SORCS2: variants seen among roughly 807,000 people sequenced by gnomAD.
SORCS2 encodes the protein VPS10 domain-containing receptor SorCS2.
Under a neutral mutation model 141.6 loss-of-function variants are expected in SORCS2, and 100 were observed. That is an observed-to-expected ratio of 0.71 (90% confidence interval 0.60 to 0.83). The LOEUF (loss-of-function observed/expected upper bound fraction) is 0.83. Among genes scored for constraint, SORCS2 ranks in the 40% least tolerant of loss-of-function variants. SORCS2 has a pLI of 0.00. For missense variants in SORCS2, 1,646 were observed against 1,560.2 expected, an observed-to-expected ratio of 1.05 and a Z score of -0.93; for synonymous variants, 789 against 676.9, an observed-to-expected ratio of 1.17 and a Z score of -2.57.
chr4:7,215,636 G>T lies in SORCS2; in HGVS notation c.480+22510G>T, dbSNP rs182943019. Among the ~76,000 whole-genome samples, 381 of 152,340 alleles carry T rather than the reference G, an allele frequency of 2.5e-3. 3 individuals are homozygous for T. Among genetic ancestry groups the T allele is most frequent in the African/African-American group, 8.9e-3 (372 of 41,574 alleles). On this transcript the variant is annotated intron_variant, in intron 1 of 26. Transcript: ENST00000507866. ...GGAGAATCTTTATGTCTAGCTCAGG[G>T]ATTGTAAATACACCAATCGGCACTC...
intron 1 of SORCS2, among the ~76,000 whole-genome samples, chr4:7,333,241 T>C (rs1302882863): frequency 6.6e-5 from 10 of 152,212 alleles, no homozygotes. Context: ...TGCCCACACC[T>C]GCCTCTTGCG....
chr4:7,335,506 ACC>A (rs1200217649), intron 1 of SORCS2, among the ~76,000 whole-genome samples: 1 of 151,930 alleles, frequency 6.6e-6, no homozygotes, highest in Non-Finnish European at 1.5e-5. Context: ...GGCGGGCCTC[ACC>A]CTGCCCCGCC....
chr4:7,694,595 C>T (rs1724478073), intron 11 of SORCS2, among the ~76,000 whole-genome samples: 1 of 152,268 alleles, frequency 6.6e-6, no homozygotes, highest in South Asian at 2.1e-4. Context: ...GCCTGTGATG[C>T]GTGTGTCCCA....
intron 23 of SORCS2, among the ~76,000 whole-genome samples, chr4:7,732,936 A>C (rs919559575): frequency 6.6e-6 from 1 of 151,718 alleles, no homozygotes; most frequent in Admixed American, 6.6e-5. Flanking sequence ...AGCAGGACTC[A>C]CACTGGTCCA....
Position 7,718,083 on chromosome 4 carries a change from G to GC in SORCS2, c.2329dup (p.Leu777ProfsTer34). 3.1e-6 allele frequency: 5 copies of GC among 1,611,654 alleles called. No homozygotes were observed. Among genetic ancestry groups the GC allele is most frequent in the Non-Finnish European group, 4.2e-6 (5 of 1,179,056 alleles). On this transcript the variant is annotated frameshift_variant, in exon 18 of 27. Transcript: ENST00000507866. LOFTEE classifies it high-confidence loss of function. ...CAGCAGAGTCAGGTGCAGCTGCAGT[G>GC]CCCCCTCACGCCGCCCCGGGGCCTG...
At chr4:7,306,087 G>T (rs1396948252) in intron 1 of SORCS2, among the ~76,000 whole-genome samples, 1 of 152,214 alleles carries the variant, frequency 6.6e-6, no homozygotes, top group African/African-American at 2.4e-5. Flanking sequence ...GAGGCTAGTG[G>T]CAGGGTCCCG....
At chr4:7,311,480 A>G (rs754868259) in intron 1 of SORCS2, among the ~76,000 whole-genome samples, 4 of 152,194 alleles carry the variant, frequency 2.6e-5, no homozygotes, top group Non-Finnish European at 4.4e-5. Context: ...TAGGTTTTTC[A>G]AAGACTGCCA....
chr4:7,421,464 G>A (rs1302246092), intron 2 of SORCS2, among the ~76,000 whole-genome samples: 4 of 152,190 alleles, frequency 2.6e-5, no homozygotes, highest in Non-Finnish European at 5.9e-5. Context: ...GCTGGGTTGC[G>A]GGGTCCAGTG....
intron 14 of SORCS2, among the ~76,000 whole-genome samples, chr4:7,711,507 A>G (rs1725824748): frequency 6.6e-6 from 1 of 152,170 alleles, no homozygotes; most frequent in South Asian, 2.1e-4. Context: ...GAGCACCACA[A>G]GCTGGACTGG....
chr4:7,323,139 T>C (rs1472343598), intron 1 of SORCS2, among the ~76,000 whole-genome samples: 1 of 152,242 alleles, frequency 6.6e-6, no homozygotes, highest in Non-Finnish European at 1.5e-5. Flanking sequence ...GTTTTGCAAA[T>C]GGCCTTAGGT....
chr4:7,680,882 A>G (rs558062711), intron 9 of SORCS2, among the ~76,000 whole-genome samples: 12 of 152,346 alleles, frequency 7.9e-5, no homozygotes, highest in African/African-American at 2.9e-4. Flanking sequence ...GGGAGGCAAA[A>G]GATCTGTACC....
intron 1 of SORCS2, among the ~76,000 whole-genome samples, chr4:7,353,809 A>T (rs1331594551): frequency 6.6e-6 from 1 of 152,194 alleles, no homozygotes; most frequent in African/African-American, 2.4e-5. Flanking sequence ...GACCCTTATG[A>T]TATTTTAGCA....
At chr4:7,466,554 C>A (rs1729628666) in intron 2 of SORCS2, among the ~76,000 whole-genome samples, 1 of 152,178 alleles carries the variant, frequency 6.6e-6, no homozygotes, top group Non-Finnish European at 1.5e-5. Flanking sequence ...ACGTCCATAC[C>A]CCATTCTCCC....
At chr4:7,357,948 G>A (rs572246762) in intron 1 of SORCS2, among the ~76,000 whole-genome samples, 4 of 152,226 alleles carry the variant, frequency 2.6e-5, no homozygotes, top group Non-Finnish European at 5.9e-5. Flanking sequence ...TTTGGTTTGA[G>A]GCCATTTGCA....
intron 8 of SORCS2, among the ~76,000 whole-genome samples, chr4:7,668,871 T>G (rs576704617): frequency 6.6e-6 from 1 of 152,094 alleles, no homozygotes; most frequent in East Asian, 1.9e-4. Flanking sequence ...GAGAGGAAAG[T>G]GCACAGCCGA....
At chr4:7,544,484 A>G (rs1189214486) in intron 3 of SORCS2, among the ~76,000 whole-genome samples, 2 of 152,206 alleles carry the variant, frequency 1.3e-5, no homozygotes, top group Admixed American at 6.5e-5. Context: ...CAGCCTGAGC[A>G]TCCAAGGCAA....
chr4:7,523,380 G>T (rs1348597480), intron 2 of SORCS2, among the ~76,000 whole-genome samples: 1 of 152,200 alleles, frequency 6.6e-6, no homozygotes, highest in Non-Finnish European at 1.5e-5. Context: ...CTTCAGGTCT[G>T]GCACCCAGAG....
intron 3 of SORCS2, among the ~76,000 whole-genome samples, chr4:7,543,747 TCCACCCATCCACCCAC>T (rs1560373132): frequency 4.5e-5 from 3 of 66,064 alleles, no homozygotes; most frequent in African/African-American, 1.8e-4. Context: ...CATCCACCCA[TCCACCCATCCACCCAC>T]CCATCCGTCC....
At chr4:7,379,405 C>G (rs540128813) in intron 1 of SORCS2, among the ~76,000 whole-genome samples, 1 of 152,126 alleles carries the variant, frequency 6.6e-6, no homozygotes, top group African/African-American at 2.4e-5. Context: ...GCACGAGAGG[C>G]GTATTCAGAT....
Sources: allele counts gnomAD v4.1 joint callset (sites outside exome capture counted in the v4.1 genomes callset), GRCh38; gene constraint gnomAD v4.1.1; transcripts MANE v1.5; gene names NCBI Gene and HGNC (gene_info 2026-07-23, HGNC 2026-07-21).